Variants in NFYC observed in about 807,000 individuals in gnomAD.
NFYC encodes the protein nuclear transcription factor Y subunit gamma.
NFYC carries 25 observed loss-of-function variants against 53.1 expected under a neutral mutation model. That is an observed-to-expected ratio of 0.47 (90% confidence interval 0.34 to 0.66). The LOEUF is 0.66. Ranked by LOEUF, NFYC falls within the 30% of genes least tolerant of loss-of-function variation. The pLI, the probability that NFYC is intolerant of heterozygous loss-of-function variation, is 0.01. For synonymous variants in NFYC, 145 were observed against 152.6 expected (o/e 0.95, Z 0.37); for missense variants, 260 against 422.7 (o/e 0.62, Z 3.38).
At chr1:40,760,357 G>A (rs769048452) in intron 6 of NFYC, among the ~76,000 whole-genome samples, 91 of 152,154 alleles carry the variant, frequency 6.0e-4, no homozygotes, top group Non-Finnish European at 1.1e-3. Context: ...GCATGGGCCC[G>A]GGAGTTGGAG....
At chr1:40,765,376 G>A (rs549135678) in intron 7 of NFYC, among the ~76,000 whole-genome samples, 76 of 152,312 alleles carry the variant, frequency 5.0e-4, no homozygotes, top group African/African-American at 1.8e-3. Context: ...TTGAGAGGTC[G>A]TTTTTTCTCG....
chr1:40,701,627 G>A (rs899138127), intron 1 of NFYC, among the ~76,000 whole-genome samples: 55 of 152,124 alleles, frequency 3.6e-4, no homozygotes, highest in African/African-American at 1.3e-3. Context: ...ATAGCATTTT[G>A]CATTTGCATG....
At chr1:40,698,935 CG>C (rs1052810607) in intron 1 of NFYC, among the ~76,000 whole-genome samples, 4 of 151,800 alleles carry the variant, frequency 2.6e-5, no homozygotes, top group African/African-American at 9.7e-5. Context: ...GAGGCTGAGG[CG>C]GGCAGATCAT....
At chr1:40,764,743 A>G (rs1427333199) in intron 7 of NFYC, among the ~76,000 whole-genome samples, 1 of 152,216 alleles carries the variant, frequency 6.6e-6, no homozygotes, top group Non-Finnish European at 1.5e-5. Flanking sequence ...TTTCCCTTTC[A>G]AAAACCCAGA....
chr1:40,720,754 G>A (rs1023145201), intron 1 of NFYC, among the ~76,000 whole-genome samples: 3 of 152,120 alleles, frequency 2.0e-5, no homozygotes, highest in African/African-American at 7.2e-5. Flanking sequence ...TGTAGTCCCC[G>A]CTACTCAGGA....
chr1:40,746,817 A>G (rs1198949686), intron 2 of NFYC, among the ~76,000 whole-genome samples: 3 of 152,186 alleles, frequency 2.0e-5, no homozygotes, highest in Non-Finnish European at 2.9e-5. Flanking sequence ...AACTATATCC[A>G]CAGTGAAGTT....
intron 1 of NFYC, among the ~76,000 whole-genome samples, chr1:40,707,498 A>T (rs1400624389): frequency 8.9e-6 from 1 of 112,738 alleles, no homozygotes; most frequent in East Asian, 2.1e-4. Flanking sequence ...AAAAAAAGAG[A>T]GAGAGAGAGA....
chr1:40,703,846 T>A (rs1643563336), intron 1 of NFYC, among the ~76,000 whole-genome samples: 1 of 152,240 alleles, frequency 6.6e-6, no homozygotes, highest in Non-Finnish European at 1.5e-5. Context: ...TGCTTTCACT[T>A]ATTTAAGCCT....
At chr1:40,768,440 A>G (rs1399929957) in intron 8 of NFYC, among the ~76,000 whole-genome samples, 2 of 152,232 alleles carry the variant, frequency 1.3e-5, no homozygotes, top group African/African-American at 2.4e-5. Flanking sequence ...CTTGTTCCTC[A>G]TAGCCTCATG....
At chr1:40,710,541 A>C (rs1328021831) in intron 1 of NFYC, among the ~76,000 whole-genome samples, 1 of 152,208 alleles carries the variant, frequency 6.6e-6, no homozygotes, top group Non-Finnish European at 1.5e-5. Flanking sequence ...ACCTGATTTT[A>C]AAATGCAATT....
intron 1 of NFYC, among the ~76,000 whole-genome samples, chr1:40,719,501 T>C (rs1644257702): frequency 6.6e-6 from 1 of 152,236 alleles, no homozygotes; most frequent in African/African-American, 2.4e-5. Context: ...TGATCCTTTC[T>C]ATCTCCACTT....
At chr1:40,734,715 A>C (rs907733360) in intron 1 of NFYC, 1 of 152,196 alleles carries the variant, frequency 6.6e-6, no homozygotes, top group African/African-American at 2.4e-5. Flanking sequence ...CATGCAAAGA[A>C]TGGATCTGCT....
chr1:40,743,770 T>C (rs1645469281), intron 2 of NFYC, among the ~76,000 whole-genome samples: 1 of 152,228 alleles, frequency 6.6e-6, no homozygotes, highest in Non-Finnish European at 1.5e-5. Flanking sequence ...CAAACTTTAT[T>C]GTCTGTATGA....
chr1:40,710,689 T>A (rs1260260765), intron 1 of NFYC, among the ~76,000 whole-genome samples: 3 of 152,184 alleles, frequency 2.0e-5, no homozygotes, highest in Non-Finnish European at 4.4e-5. Context: ...GAGGAGAAGT[T>A]TCGAGGGTGT....
chr1:40,695,000 C>G (rs752379768), intron 1 of NFYC, among the ~76,000 whole-genome samples: 4 of 152,178 alleles, frequency 2.6e-5, no homozygotes, highest in Non-Finnish European at 5.9e-5. Flanking sequence ...CGCCTCTAAT[C>G]CCAGCGTTTT....
chr1:40,767,580 C>T (rs1646882118), intron 8 of NFYC, among the ~76,000 whole-genome samples: 1 of 152,204 alleles, frequency 6.6e-6, no homozygotes, highest in African/African-American at 2.4e-5. Flanking sequence ...CACCCTTCCC[C>T]CAGCCCCTCT....
intron 6 of NFYC, among the ~76,000 whole-genome samples, chr1:40,762,102 G>A (rs1646578965): frequency 1.3e-5 from 2 of 152,236 alleles, no homozygotes; most frequent in African/African-American, 2.4e-5. Context: ...TACAACCATT[G>A]TGTGTGAGAG....
chr1:40,771,531 A>G lies in NFYC; in HGVS notation c.*703A>G, dbSNP rs769994429. On this transcript the variant is annotated 3_prime_UTR_variant, in exon 10 of 10. Transcript: ENST00000447388. ...CACCTCCCTTTTATTTTTTAAATGC[A>G]TTAAAAACTGTGCTAGTCTCCTTTG... is the stretch of plus-strand genomic sequence containing the variant. The G allele has an allele frequency of 2.0e-5, 9 of 445,006 alleles. No homozygotes were observed. Among genetic ancestry groups the G allele is most frequent in the South Asian group, 1.3e-4 (8 of 60,416 alleles). The allele number at this position is 445,006 out of a possible 1,614,324, so 27.6% of individuals were successfully genotyped here.
intron 5 of NFYC, among the ~76,000 whole-genome samples, chr1:40,754,647 C>A (rs1419966557): frequency 1.3e-5 from 2 of 152,182 alleles, no homozygotes; most frequent in African/African-American, 4.8e-5. Flanking sequence ...ATCAGAAGCC[C>A]CCTTTAAAAC....
Sources: allele counts gnomAD v4.1 joint callset (sites outside exome capture counted in the v4.1 genomes callset), GRCh38; gene constraint gnomAD v4.1.1; transcripts MANE v1.5; gene names NCBI Gene and HGNC (gene_info 2026-07-23, HGNC 2026-07-21).